The following SLC25A36 variants were observed in gnomAD, a reference collection of about 807,000 sequenced individuals.
SLC25A36 encodes solute carrier family 25 member 36.
SLC25A36 carries 24 observed loss-of-function variants against 35.3 expected under a neutral mutation model. The ratio of observed to expected loss-of-function variants is 0.68; its 90% CI spans 0.49 to 0.96. The LOEUF (loss-of-function observed/expected upper bound fraction) is 0.96, where lower values mean the gene tolerates loss of function less well. Among genes scored for constraint, SLC25A36 ranks in the 40% least tolerant of loss-of-function variants. The pLI, the probability that SLC25A36 is intolerant of heterozygous loss-of-function variation, is 0.00. For missense variants in SLC25A36, 294 were observed against 381.1 expected (o/e 0.77, Z 1.90); for synonymous variants, 141 against 132.2 (o/e 1.07, Z -0.46).
intron 1 of SLC25A36, among the ~76,000 whole-genome samples, chr3:140,951,292 A>G (rs1934316834): frequency 6.6e-6 from 1 of 152,182 alleles, no homozygotes; most frequent in African/African-American, 2.4e-5. Context: ...TTGAAGCAAT[A>G]GTTTTGTTCT....
intron 1 of SLC25A36, among the ~76,000 whole-genome samples, chr3:140,952,986 C>T (rs762067331): frequency 6.6e-6 from 1 of 152,134 alleles, no homozygotes; most frequent in Non-Finnish European, 1.5e-5. Context: ...AAAGTAAATA[C>T]ACTAAACTGC....
chr3:140,946,172 T>C (rs1317973910), intron 1 of SLC25A36, among the ~76,000 whole-genome samples: 5 of 152,040 alleles, frequency 3.3e-5, no homozygotes, highest in Non-Finnish European at 7.4e-5. Flanking sequence ...AGGCATTAAG[T>C]GCTGTGGGAA....
intron 2 of SLC25A36, chr3:140,956,903 G>T: frequency 1.3e-6 from 1 of 767,248 alleles, no homozygotes; most frequent in Non-Finnish European, 1.7e-6. Context: ...TCCAAATCAT[G>T]TGTATTTAGA....
intron 1 of SLC25A36, among the ~76,000 whole-genome samples, chr3:140,949,449 A>G (rs1934258147): frequency 6.6e-6 from 1 of 152,246 alleles, no homozygotes; most frequent in South Asian, 2.1e-4. Flanking sequence ...CATATTAAAC[A>G]ATTTTAAATA....
rs1318526041 is a variant in SLC25A36 at position 140,942,093 on chromosome 3, A to C, written c.39A>C (p.Gly13=). ...QRDTLVHLFA[G]GCGGTVGAIL... ...ACACGCTGGTGCATCTGTTTGCCGG[A>C]GGGTAAGGTCCTGGCGGGGCGTGCG... The change falls in exon 1 of 7, where the codon GGA becomes GGC. Residue 13 remains glycine (G), a splice_region_variant and synonymous_variant. Transcript: ENST00000324194. 7.1e-7 allele frequency: 1 copy of C among 1,409,844 alleles called. No homozygotes were observed. The highest frequency in any genetic ancestry group is 9.5e-7 in the Non-Finnish European group (1 of 1,053,184). 87.3% of individuals were successfully genotyped at this position (1,409,844 alleles called of 1,614,324 possible). A position where few individuals can be genotyped will look rare whatever the true frequency, so the allele number is the denominator to read the frequency against.
At chr3:140,962,797 T>G (rs1168020943) in intron 3 of SLC25A36, among the ~76,000 whole-genome samples, 1 of 152,064 alleles carries the variant, frequency 6.6e-6, no homozygotes, top group East Asian at 1.9e-4. Context: ...AGTTATTATT[T>G]TGTTTTTATT....
intron 2 of SLC25A36, 27 bp downstream of exon 2, chr3:140,956,718 T>G (rs748535522): frequency 1.9e-6 from 3 of 1,552,452 alleles, no homozygotes; most frequent in Middle Eastern, 1.7e-4. Context: ...CAGGAGTGTT[T>G]TTTAGTTTGT....
intron 4 of SLC25A36, chr3:140,968,068 T>C: frequency 8.1e-6 from 8 of 985,144 alleles, no homozygotes; most frequent in Non-Finnish European, 8.4e-6. Context: ...ATGTTTAGCT[T>C]GGGCTAACCT....
At chr3:140,966,508 T>A (rs1296983811) in intron 4 of SLC25A36, 1 of 174,276 alleles carries the variant, frequency 5.7e-6, no homozygotes, top group Non-Finnish European at 1.2e-5. Flanking sequence ...GTTACTTGAA[T>A]ATTCTGTTGG....
At chr3:140,959,337 A>G in intron 2 of SLC25A36, 126 bp from the exon 3 acceptor site, 1 of 595,142 alleles carries the variant, frequency 1.7e-6, no homozygotes, top group Non-Finnish European at 2.8e-6. Context: ...TAAGTAAGGA[A>G]AACTCACCAG....
chr3:140,954,757 T>C (rs1934433334), intron 1 of SLC25A36, among the ~76,000 whole-genome samples: 1 of 152,212 alleles, frequency 6.6e-6, no homozygotes. Flanking sequence ...AAATATTTGT[T>C]CTCAGTCTAT....
chr3:140,967,242 G>T (rs1276850057), intron 4 of SLC25A36, among the ~76,000 whole-genome samples: 3 of 151,908 alleles, frequency 2.0e-5, no homozygotes, highest in East Asian at 3.9e-4. Flanking sequence ...AAAGCCTGGG[G>T]TCTTCAGCTT....
Position 140,980,715 on chromosome 3 carries a change from A to ATG in SLC25A36, c.*4263_*4264insGT, listed in dbSNP as rs1559820840. ...CCCTGCCCCCCCCCCCTTTTAATAT[A>ATG]TATACACGGAGCTTCACTCTTGTCA... is the stretch of plus-strand genomic sequence containing the variant. On this transcript the variant is annotated 3_prime_UTR_variant, in exon 7 of 7. Transcript: ENST00000324194. 2.0e-5 allele frequency among the ~76,000 whole-genome samples: 2 copies of ATG among 97,866 alleles called. No individual in the cohort carries two copies. The highest frequency in any genetic ancestry group is 1.6e-4 in the Admixed American group (1 of 6,326). The allele number at this position is 97,866 out of a possible 152,430, so 64.2% of individuals were successfully genotyped here.
chr3:140,980,096 C>G lies in SLC25A36; in HGVS notation c.*3643C>G, dbSNP rs887780777. ...AAACCTTATCTTGAGCACTTTGTAT[C>G]TGTTAGATCTAGTGATGTCTGAAGG... On this transcript the variant is annotated 3_prime_UTR_variant, in exon 7 of 7. Transcript: ENST00000324194. 5.3e-5 allele frequency among the ~76,000 whole-genome samples: 8 copies of G among 152,214 alleles called. No homozygotes were observed. Among genetic ancestry groups the G allele is most frequent in the South Asian group, 4.1e-4 (2 of 4,820 alleles).
At chr3:140,971,777 A>G (rs1934910407) in intron 5 of SLC25A36, among the ~76,000 whole-genome samples, 1 of 152,218 alleles carries the variant, frequency 6.6e-6, no homozygotes, top group African/African-American at 2.4e-5. Context: ...ATATGTTACA[A>G]TAATAATGTT....
At chr3:140,971,031 A>AC in intron 5 of SLC25A36, 38 bp downstream of exon 5, 1 of 838,754 alleles carries the variant, frequency 1.2e-6, no homozygotes, top group Non-Finnish European at 2.0e-6. Context: ...GTTAAAGTGG[A>AC]TTTAACTAAT....
At chr3:140,955,241 TTA>T (rs1464751557) in intron 1 of SLC25A36, among the ~76,000 whole-genome samples, 1 of 152,094 alleles carries the variant, frequency 6.6e-6, no homozygotes, top group Non-Finnish European at 1.5e-5. Context: ...CTGCTTTCCT[TTA>T]TATATATGTG....
chr3:140,957,786 G>A (rs1934514871), intron 2 of SLC25A36, among the ~76,000 whole-genome samples: 1 of 152,092 alleles, frequency 6.6e-6, no homozygotes, highest in Admixed American at 6.6e-5. Context: ...TATCTGATTT[G>A]TAATAGGAAA....
At chr3:140,964,073 CTG>C (rs1934700474) in intron 4 of SLC25A36, 1 of 151,926 alleles carries the variant, frequency 6.6e-6, no homozygotes, top group African/African-American at 2.4e-5. Context: ...ACTTTATAAA[CTG>C]TAGCTGCTTT....
Sources: allele counts gnomAD v4.1 joint callset (sites outside exome capture counted in the v4.1 genomes callset), GRCh38; gene constraint gnomAD v4.1.1; transcripts MANE v1.5; gene names NCBI Gene and HGNC (gene_info 2026-07-23, HGNC 2026-07-21).